Variants in MED27 observed in about 807,000 individuals in gnomAD.
MED27 encodes the protein mediator complex subunit 27.
Under a neutral mutation model 38.2 loss-of-function variants are expected in MED27, and 30 were observed. The ratio of observed to expected loss-of-function variants is 0.79; its 90% confidence interval spans 0.59 to 1.07. The LOEUF is 1.07. MED27 is among the 50% of genes least tolerant of loss of function. The pLI is 0.00. For synonymous variants in MED27, 122 were observed against 153.5 expected, an observed-to-expected ratio of 0.79 and a Z score of 1.52; for missense variants, 289 against 397.5, an observed-to-expected ratio of 0.73 and a Z score of 2.32.
chr9:131,978,532 T>C (rs1015685404), intron 3 of MED27, among the ~76,000 whole-genome samples: 12 of 152,216 alleles, frequency 7.9e-5, no homozygotes, highest in African/African-American at 2.9e-4. Context: ...TAGAGGTCCA[T>C]AGTGAAATGC....
chr9:132,014,262 T>C (rs1453151091), intron 3 of MED27, 75 bp downstream of exon 3: 2 of 1,458,598 alleles, frequency 1.4e-6, no homozygotes, highest in Non-Finnish European at 1.9e-6. Context: ...ACAGTAACTT[T>C]CCACTACCCA....
chr9:131,910,850 G>A (rs13290149), intron 4 of MED27, among the ~76,000 whole-genome samples: 2 of 152,040 alleles, frequency 1.3e-5, no homozygotes, highest in Non-Finnish European at 2.9e-5. Flanking sequence ...GCGGAGGATC[G>A]TTCTGCATTT....
chr9:131,975,848 T>G (rs1449455583), intron 3 of MED27, among the ~76,000 whole-genome samples: 1 of 152,202 alleles, frequency 6.6e-6, no homozygotes, highest in Non-Finnish European at 1.5e-5. Context: ...CCAAATGTCC[T>G]CACAGATTCA....
At chr9:131,921,203 C>A (rs962312879) in intron 4 of MED27, among the ~76,000 whole-genome samples, 1 of 152,174 alleles carries the variant, frequency 6.6e-6, no homozygotes, top group African/African-American at 2.4e-5. Context: ...CCCGTACACC[C>A]TTCATCTAGG....
intron 2 of MED27, among the ~76,000 whole-genome samples, chr9:132,052,973 G>A (rs1350257235): frequency 6.6e-6 from 1 of 151,664 alleles, no homozygotes; most frequent in East Asian, 1.9e-4. Flanking sequence ...GCTGCTCAGG[G>A]CTGGGCGGGG....
chr9:131,905,532 C>G (rs117054348), intron 4 of MED27, among the ~76,000 whole-genome samples: 36 of 152,122 alleles, frequency 2.4e-4, no homozygotes, highest in Non-Finnish European at 2.2e-4. Flanking sequence ...CTTAGGCCAA[C>G]AAAACTGCGT....
intron 3 of MED27, among the ~76,000 whole-genome samples, chr9:132,002,005 T>C (rs1420708893): frequency 6.6e-6 from 1 of 152,228 alleles, no homozygotes; most frequent in African/African-American, 2.4e-5. Context: ...CCCCCTTACC[T>C]GCAGAGCAAA....
chr9:131,880,093 C>T (rs575923596), intron 6 of MED27, among the ~76,000 whole-genome samples: 2 of 152,172 alleles, frequency 1.3e-5, no homozygotes, highest in Admixed American at 6.5e-5. Flanking sequence ...ATGAACACGA[C>T]GAAATAGGCA....
At chr9:131,875,877 T>C (rs1838921952) in intron 6 of MED27, among the ~76,000 whole-genome samples, 1 of 152,240 alleles carries the variant, frequency 6.6e-6, no homozygotes, top group South Asian at 2.1e-4. Context: ...CCCAGAGTGC[T>C]GGGATTACAG....
intron 4 of MED27, among the ~76,000 whole-genome samples, chr9:131,899,404 C>T (rs1260957906): frequency 6.6e-6 from 1 of 152,212 alleles, no homozygotes; most frequent in Non-Finnish European, 1.5e-5. Flanking sequence ...GCAGCCAGAC[C>T]TCCTGGCGGT....
intron 2 of MED27, among the ~76,000 whole-genome samples, chr9:132,028,685 G>T (rs1832882237): frequency 6.6e-6 from 1 of 152,136 alleles, no homozygotes; most frequent in Non-Finnish European, 1.5e-5. Context: ...TGGAGATACC[G>T]AACAGGGGAG....
At chr9:131,877,836 G>A (rs1011388846) in intron 6 of MED27, among the ~76,000 whole-genome samples, 1 of 152,170 alleles carries the variant, frequency 6.6e-6, no homozygotes, top group African/African-American at 2.4e-5. Context: ...ACCCACCAAC[G>A]CAATATCAGG....
intron 4 of MED27, among the ~76,000 whole-genome samples, chr9:131,914,953 G>A (rs1830263119): frequency 6.6e-6 from 1 of 152,224 alleles, no homozygotes. Flanking sequence ...TCTGGCGTGG[G>A]CAACAGGAAG....
At chr9:131,897,638 A>G (rs1476289021) in intron 4 of MED27, among the ~76,000 whole-genome samples, 1 of 152,208 alleles carries the variant, frequency 6.6e-6, no homozygotes, top group Non-Finnish European at 1.5e-5. Flanking sequence ...CAGGGAGGGA[A>G]AAGGAGGTGG....
chr9:132,023,135 T>C (rs921588661), intron 2 of MED27, among the ~76,000 whole-genome samples: 3 of 152,188 alleles, frequency 2.0e-5, no homozygotes, highest in Admixed American at 1.3e-4. Context: ...CAAACATTCA[T>C]AGGTGAGGCA....
intron 2 of MED27, among the ~76,000 whole-genome samples, chr9:132,044,829 C>G (rs1833296039): frequency 6.6e-6 from 1 of 152,054 alleles, no homozygotes; most frequent in African/African-American, 2.4e-5. Flanking sequence ...TCATTCAAGT[C>G]AAAAATGAAA....
At position 131,938,989 on chromosome 9, in the gene MED27, A is replaced by G. The variant is rs534812172; in HGVS notation, c.573+392T>C. On this transcript the variant is annotated intron_variant, in intron 4 of 7. Coordinates refer to ENST00000292035, the MANE Select transcript of MED27 (RefSeq NM_004269.4). ...CAGCCTCCCAAAGTGCTGGGATTAC[A>G]GGCGTGAGTCACCGCGCCTGGCGAG... 7.2e-3 allele frequency among the ~76,000 whole-genome samples: 1,092 copies of G among 152,332 alleles called. 4 individuals carry two copies. The highest frequency in any genetic ancestry group is 0.012 in the Non-Finnish European group (784 of 68,020).
chr9:131,907,648 G>C (rs1383299928), intron 4 of MED27, among the ~76,000 whole-genome samples: 3 of 151,982 alleles, frequency 2.0e-5, no homozygotes, highest in Non-Finnish European at 2.9e-5. Flanking sequence ...ACCCCGTCTG[G>C]GAAGTGAGGA....
intron 6 of MED27, among the ~76,000 whole-genome samples, chr9:131,882,360 A>G (rs773149523): frequency 3.3e-5 from 5 of 152,206 alleles, no homozygotes; most frequent in Non-Finnish European, 5.9e-5. Context: ...GGGTAAGGAA[A>G]TGTTTTAGAA....
Sources: allele counts gnomAD v4.1 joint callset (sites outside exome capture counted in the v4.1 genomes callset), GRCh38; gene constraint gnomAD v4.1.1; transcripts MANE v1.5; gene names NCBI Gene and HGNC (gene_info 2026-07-23, HGNC 2026-07-21).